Variants in LAPTM4B observed in about 807,000 individuals in gnomAD.
LAPTM4B encodes the protein lysosomal-associated transmembrane protein 4B.
In LAPTM4B, 26 loss-of-function variants were observed where a neutral mutation model predicts 28.5. The ratio of observed to expected loss-of-function variants is 0.91; its 90% confidence interval spans 0.67 to 1.27. LAPTM4B has a LOEUF of 1.27. Among genes scored for constraint, LAPTM4B ranks in the 50% most tolerant of loss-of-function variants. LAPTM4B has a pLI of 0.00. For synonymous variants in LAPTM4B, 109 were observed against 106.4 expected, an observed-to-expected ratio of 1.02 and a Z score of -0.15; for missense variants, 288 against 285.8, an observed-to-expected ratio of 1.01 and a Z score of -0.06.
intron 6 of LAPTM4B, among the ~76,000 whole-genome samples, chr8:97,825,647 A>G (rs940304319): frequency 6.6e-6 from 1 of 152,226 alleles, no homozygotes; most frequent in African/African-American, 2.4e-5. Flanking sequence ...CTGTTCTGCT[A>G]CTAGTTGCTC....
chr8:97,799,275 A>C (rs1816636604), intron 1 of LAPTM4B, among the ~76,000 whole-genome samples: 1 of 152,166 alleles, frequency 6.6e-6, no homozygotes, highest in South Asian at 2.1e-4. Flanking sequence ...AATTACAACA[A>C]TTTAGTTTTA....
At chr8:97,792,193 T>C (rs1230478846) in intron 1 of LAPTM4B, among the ~76,000 whole-genome samples, 2 of 152,184 alleles carry the variant, frequency 1.3e-5, no homozygotes. Context: ...ACTCCAAGGA[T>C]TGCCAAGAGT....
chr8:97,834,115 G>A (rs898058272), intron 6 of LAPTM4B, among the ~76,000 whole-genome samples: 1 of 121,640 alleles, frequency 8.2e-6, no homozygotes, highest in Non-Finnish European at 1.8e-5. Context: ...GACCAGTCTG[G>A]TCAACATAGT....
intron 6 of LAPTM4B, among the ~76,000 whole-genome samples, chr8:97,833,950 CTT>C (rs1453932888): frequency 6.6e-6 from 1 of 152,000 alleles, no homozygotes; most frequent in Non-Finnish European, 1.5e-5. Context: ...GTTTTGTTCT[CTT>C]TGTCAGTTTT....
At chr8:97,818,010 A>G (rs759867569) in intron 4 of LAPTM4B, among the ~76,000 whole-genome samples, 1 of 151,496 alleles carries the variant, frequency 6.6e-6, no homozygotes, top group African/African-American at 2.4e-5. Flanking sequence ...ATGGGGTTTG[A>G]CTATGTTGTC....
At chr8:97,851,087 A>AT (rs1817517261) in intron 6 of LAPTM4B, among the ~76,000 whole-genome samples, 1 of 152,098 alleles carries the variant, frequency 6.6e-6, no homozygotes, top group East Asian at 1.9e-4. Context: ...GTGTGTGCAC[A>AT]TGGACACACT....
At chr8:97,834,144 G>GGAAAAAAAAAAAAAAAAAAAAA (rs1554593011) in intron 6 of LAPTM4B, among the ~76,000 whole-genome samples, 4 of 75,344 alleles carry the variant, frequency 5.3e-5, no homozygotes, top group Non-Finnish European at 9.1e-5. Context: ...TGTCTCTACA[G>GGAAAAAAAAAAAAAAAAAAAAA]AAAAAAAAAA....
rs902128191 is a variant in LAPTM4B, at chr8:97,823,439, A to G, written c.508-1619A>G. Among the ~76,000 whole-genome samples the G allele has an allele frequency of 2.0e-5, 3 of 150,146 alleles. No individual in the cohort carries two copies. The East Asian group carries it at 5.9e-4, about 29-fold the overall frequency. On this transcript the variant is annotated intron_variant, in intron 5 of 6. Coordinates refer to ENST00000521545, the MANE Select transcript of LAPTM4B (RefSeq NM_018407.6). ...ACCCAGGCTGGAGTGCAGTGGCGCA[A>G]TCTCGGCTCACTGCAACCTCCACCT...
chr8:97,799,111 T>A (rs994417906), intron 1 of LAPTM4B, among the ~76,000 whole-genome samples: 14 of 152,128 alleles, frequency 9.2e-5, no homozygotes, highest in Non-Finnish European at 2.9e-5. Context: ...CAACCTTGGC[T>A]CTCCCACACA....
intron 6 of LAPTM4B, among the ~76,000 whole-genome samples, chr8:97,831,219 G>C (rs1464455604): frequency 2.0e-5 from 3 of 152,216 alleles, no homozygotes; most frequent in Non-Finnish European, 4.4e-5. Context: ...ACTGTTACCA[G>C]ATTGTACGGA....
rs937740272 is a variant in LAPTM4B at position 97,807,644 on chromosome 8, G to C, written c.211+2180G>C. Among the ~76,000 whole-genome samples, 7 of 152,214 alleles carry C rather than the reference G, an allele frequency of 4.6e-5. 1 individual carries two copies. The highest frequency in any genetic ancestry group is 3.9e-4 in the East Asian group (2 of 5,182). ...TTTGGACTGAGATTACAGATTTGAG[G>C]ATATCAGCCTAAAAACTGAATTTCT... is the stretch of plus-strand genomic sequence containing the variant. On this transcript the variant is annotated intron_variant, in intron 2 of 6. Transcript: ENST00000521545.
chr8:97,825,424 C>A (rs1817077637), intron 6 of LAPTM4B, among the ~76,000 whole-genome samples: 1 of 152,136 alleles, frequency 6.6e-6, no homozygotes, highest in Non-Finnish European at 1.5e-5. Context: ...ATGTACCTTA[C>A]TGTAATTATT....
At chr8:97,809,279 G>A (rs991223690) in intron 2 of LAPTM4B, among the ~76,000 whole-genome samples, 2 of 152,170 alleles carry the variant, frequency 1.3e-5, no homozygotes, top group Admixed American at 6.6e-5. Flanking sequence ...AAGGAATCCC[G>A]CTACTGGAAT....
rs764278197 is a variant in LAPTM4B at position 97,775,937 on chromosome 8, C to CGGCGGGCTCCAGGCGA, written c.-67_-52dup. 0.14 allele frequency: 202,080 copies of CGGCGGGCTCCAGGCGA among 1,449,128 alleles called. 14,898 individuals carry two copies. The highest frequency in any genetic ancestry group is 0.18 in the Middle Eastern group (736 of 4,182). 89.8% of individuals were successfully genotyped at this position (1,449,128 alleles called of 1,614,324 possible). A position where few individuals can be genotyped will look rare whatever the true frequency, so the allele number is the denominator to read the frequency against. On this transcript the variant is annotated 5_prime_UTR_variant, in exon 1 of 7. Coordinates refer to ENST00000521545, the MANE Select transcript of LAPTM4B (RefSeq NM_018407.6). The stretch of plus-strand genomic sequence containing the variant: ...GGCGGAGGAGCCGGCAGCAGCGGCG[C>CGGCGGGCTCCAGGCGA]GGCGGGCTCCAGGCGAGGCGGTCGA...
chr8:97,806,576 G>T (rs974639180), intron 2 of LAPTM4B, among the ~76,000 whole-genome samples: 2 of 152,138 alleles, frequency 1.3e-5, no homozygotes, highest in Non-Finnish European at 2.9e-5. Context: ...ATATGGTTTG[G>T]CTGTGTCCCC....
At chr8:97,830,598 G>A (rs1817169159) in intron 6 of LAPTM4B, among the ~76,000 whole-genome samples, 1 of 152,152 alleles carries the variant, frequency 6.6e-6, no homozygotes, top group Admixed American at 6.5e-5. Context: ...AAGAGAAGTG[G>A]GGGAGAGTAC....
chr8:97,781,701 C>G (rs986087136), intron 1 of LAPTM4B, among the ~76,000 whole-genome samples: 3 of 152,210 alleles, frequency 2.0e-5, no homozygotes, highest in Non-Finnish European at 2.9e-5. Flanking sequence ...TAATCCCTGC[C>G]ATATCCCCAA....
intron 1 of LAPTM4B, among the ~76,000 whole-genome samples, chr8:97,792,620 C>T (rs912504378): frequency 6.6e-5 from 10 of 151,764 alleles, no homozygotes; most frequent in Admixed American, 6.6e-5. Flanking sequence ...CTCTCTGTAG[C>T]GCAGGCTGCA....
chr8:97,836,223 G>A (rs1817258332), intron 6 of LAPTM4B, among the ~76,000 whole-genome samples: 1 of 152,108 alleles, frequency 6.6e-6, no homozygotes, highest in Admixed American at 6.6e-5. Context: ...CGCTCTGTCA[G>A]GCTGGAATAC....
Sources: gnomAD v4.1 joint callset for allele counts (sites outside exome capture counted in the v4.1 genomes callset) on GRCh38, gnomAD v4.1.1 for gene constraint, MANE v1.5 for transcripts, NCBI Gene and HGNC (gene_info 2026-07-23, HGNC 2026-07-21) for gene names.